NCOA7: variants seen among roughly 807,000 people sequenced by gnomAD.
NCOA7 encodes the protein 140 kDa estrogen receptor-associated protein.
A neutral mutation model predicts 104.3 loss-of-function variants in NCOA7; 45 were observed. The observed-to-expected ratio is 0.43, with a 90% confidence interval of 0.34 to 0.55. NCOA7 has a LOEUF of 0.55. Ranked by LOEUF, NCOA7 falls within the 20% of genes least tolerant of loss-of-function variation. The pLI is 0.02. For synonymous variants in NCOA7, 398 were observed against 402.3 expected (o/e 0.99, Z 0.13); for missense variants, 1,041 against 1,119.7 (o/e 0.93, Z 1.00).
chr6:125,874,422 A>T (rs1355862151), intron 3 of NCOA7, among the ~76,000 whole-genome samples: 1 of 152,180 alleles, frequency 6.6e-6, no homozygotes, highest in African/African-American at 2.4e-5. Context: ...TATTGCAGTG[A>T]CCATATGTTG....
intron 3 of NCOA7, among the ~76,000 whole-genome samples, chr6:125,873,445 G>A (rs192652187): frequency 6.6e-6 from 1 of 152,206 alleles, no homozygotes; most frequent in Non-Finnish European, 1.5e-5. Context: ...ATCCCATTCA[G>A]TTTTTCTTGA....
chr6:125,834,393 T>C (rs1228580198), intron 2 of NCOA7, among the ~76,000 whole-genome samples: 1 of 152,228 alleles, frequency 6.6e-6, no homozygotes, highest in Non-Finnish European at 1.5e-5. Flanking sequence ...ATGATCTAGA[T>C]TCATTTATTT....
chr6:125,920,967 C>T lies in NCOA7; in HGVS notation c.2269C>T (p.Arg757Cys), dbSNP rs1211512940. Reference protein sequence around the residue: ...WEIITVEEAKRRKSTCSYYED... With the variant: ...WEIITVEEAKCRKSTCSYYED... ...GATCATCACTGTTGAAGAGGCAAAGCGCAGGAAGAGCACATGCAGCTACTA... is the reference window on the plus strand; with the variant it reads ...GATCATCACTGTTGAAGAGGCAAAGTGCAGGAAGAGCACATGCAGCTACTA... Residue 757 changes from arginine to cysteine, a missense_variant, in exon 12 of 16, where the codon CGC becomes TGC. Arg to Cys is a radical substitution (Grantham distance 180, BLOSUM62 -3). Coordinates refer to ENST00000392477, the MANE Select transcript of NCOA7 (RefSeq NM_181782.5). 3.1e-6 allele frequency: 5 copies of T among 1,613,372 alleles called. No individual in the cohort carries two copies. Among genetic ancestry groups the T allele is most frequent in the African/African-American group, 1.3e-5 (1 of 74,894 alleles).
intron 3 of NCOA7, among the ~76,000 whole-genome samples, chr6:125,869,808 A>G (rs1442355348): frequency 1.3e-5 from 2 of 152,226 alleles, no homozygotes; most frequent in African/African-American, 4.8e-5. Context: ...TCCAAGAGAG[A>G]GAAAAGGCAA....
In NCOA7 at chr6:125,880,218, T is replaced by C. The variant is rs1333271360; in HGVS notation, c.460-872T>C. ...AAATATTGGGATTATTTTATTGATA[T>C]TACCTTATACAATTTATCATATAAG... On this transcript the variant is annotated intron_variant, in intron 5 of 15. Transcript: ENST00000392477. Among the ~76,000 whole-genome samples the C allele has an allele frequency of 2.6e-5, 4 of 152,210 alleles. No homozygotes were observed. The East Asian group carries it at 7.7e-4, about 29-fold the overall frequency.
intron 3 of NCOA7, among the ~76,000 whole-genome samples, chr6:125,862,037 CAAAA>C (rs56389001): frequency 3.1e-5 from 2 of 63,778 alleles, no homozygotes; most frequent in South Asian, 4.5e-4. Context: ...AACTCTTTCT[CAAAA>C]AAAAAAAAAA....
intron 2 of NCOA7, among the ~76,000 whole-genome samples, chr6:125,821,679 T>C (rs1036005369): frequency 1.3e-5 from 2 of 152,232 alleles, no homozygotes; most frequent in Non-Finnish European, 2.9e-5. Flanking sequence ...ATATGGTTAA[T>C]GTCAGAGTAT....
At chr6:125,845,835 A>C (rs1219265379) in intron 2 of NCOA7, among the ~76,000 whole-genome samples, 1 of 152,150 alleles carries the variant, frequency 6.6e-6, no homozygotes, top group African/African-American at 2.4e-5. Context: ...ACATCCACCG[A>C]ACCTGTATAT....
At chr6:125,890,405 A>C (rs1193554900) in intron 9 of NCOA7, among the ~76,000 whole-genome samples, 3 of 152,128 alleles carry the variant, frequency 2.0e-5, no homozygotes, top group Non-Finnish European at 4.4e-5. Context: ...TTGGTTTTTA[A>C]ACTTATTTTC....
intron 1 of NCOA7, among the ~76,000 whole-genome samples, chr6:125,802,085 C>T (rs920343184): frequency 6.6e-6 from 1 of 152,094 alleles, no homozygotes; most frequent in Non-Finnish European, 1.5e-5. Context: ...CTATTTTTGT[C>T]AGTTGTCTTG....
chr6:125,895,347 A>C (rs1483483941), intron 10 of NCOA7, among the ~76,000 whole-genome samples: 1 of 152,192 alleles, frequency 6.6e-6, no homozygotes, highest in African/African-American at 2.4e-5. Context: ...GCGAAGGGAG[A>C]GAAGGAGAAG....
rs1782157842 is a variant in NCOA7 at position 125,862,682 on chromosome 6, C to CT, written c.271+7446dup. ...TTGATAACATTTTCAACATTATTGA[C>CT]TTTTCCATTCACACTGTTGGCAAAA... On this transcript the variant is annotated intron_variant, in intron 3 of 15. Coordinates refer to ENST00000392477, the MANE Select transcript of NCOA7 (RefSeq NM_181782.5). Among the ~76,000 whole-genome samples, 2 of 137,852 alleles carry CT rather than the reference C, an allele frequency of 1.5e-5. 1 individual carries two copies. The highest frequency in any genetic ancestry group is 6.1e-5 in the African/African-American group (2 of 33,018). The allele number at this position is 137,852 out of a possible 152,430, so 90.4% of individuals were successfully genotyped here. A position where few individuals can be genotyped will look rare whatever the true frequency, so the allele number is the denominator to read the frequency against.
At position 125,785,915 on chromosome 6, in the gene NCOA7, C is replaced by T. The variant is rs192572357; in HGVS notation, c.-141-222C>T. Among the ~76,000 whole-genome samples, 3 of 152,262 alleles carry T rather than the reference C, an allele frequency of 2.0e-5. No individual in the cohort carries two copies. In the East Asian group the frequency reaches 5.8e-4, roughly 29 times the overall value. On this transcript the variant is annotated intron_variant, in intron 1 of 16. Coordinates refer to the NCOA7 transcript ENST00000368357. ...TTCTTTCTCAGTACACTCTGGTAGA[C>T]GCCACAAAGACGCCACAAAAAGGTG...
chr6:125,854,359 G>A (rs1460553899), intron 2 of NCOA7, among the ~76,000 whole-genome samples: 1 of 152,142 alleles, frequency 6.6e-6, no homozygotes, highest in African/African-American at 2.4e-5. Flanking sequence ...TTTGGCTCAG[G>A]AGTAAAGAAT....
chr6:125,913,724 A>G (rs1037029032), intron 10 of NCOA7: 2 of 892,466 alleles, frequency 2.2e-6, no homozygotes, highest in Non-Finnish European at 2.7e-6. Context: ...AAAAGACATG[A>G]TTAATATAAA....
intron 13 of NCOA7, among the ~76,000 whole-genome samples, chr6:125,926,799 A>G (rs754560170): frequency 5.3e-5 from 8 of 152,216 alleles, no homozygotes; most frequent in Admixed American, 1.3e-4. Flanking sequence ...ATTTAAAGCA[A>G]TGTTCCTCAA....
At chr6:125,789,900 TA>T (rs1774672276), upstream of NCOA7, among the ~76,000 whole-genome samples, 1 of 152,154 alleles carries the variant, frequency 6.6e-6, no homozygotes, top group African/African-American at 2.4e-5. Context: ...TTTTTCTGCG[TA>T]TAAGAGTGAA....
intron 1 of NCOA7, 141 bp from the exon 2 acceptor site, chr6:125,815,150 A>G (rs1583282366): frequency 2.6e-6 from 1 of 385,996 alleles, no homozygotes; most frequent in Non-Finnish European, 4.6e-6. Flanking sequence ...TTTGCATTTC[A>G]TATTTGACTC....
chr6:125,875,688 GCTTAA>G (rs1783311049), intron 4 of NCOA7, among the ~76,000 whole-genome samples: 1 of 152,126 alleles, frequency 6.6e-6, no homozygotes, highest in Non-Finnish European at 1.5e-5. Flanking sequence ...GAATCATGTT[GCTTAA>G]CTTAATTTAT....
Sources: gnomAD v4.1 joint callset for allele counts (sites outside exome capture counted in the v4.1 genomes callset) on GRCh38, gnomAD v4.1.1 for gene constraint, MANE v1.5 for transcripts, NCBI Gene and HGNC (gene_info 2026-07-23, HGNC 2026-07-21) for gene names.